The following TBL1XR1 variants were observed in gnomAD, a reference collection of about 807,000 sequenced individuals.
TBL1XR1 encodes F-box-like/WD repeat-containing protein TBL1XR1.
Under a neutral mutation model 66.9 loss-of-function variants are expected in TBL1XR1, and 5 were observed. The observed-to-expected ratio is 0.07, with a 90% CI of 0.04 to 0.16. The LOEUF is 0.16. Among genes scored for constraint, TBL1XR1 ranks in the 10% least tolerant of loss-of-function variants. The pLI is 1.00. For synonymous variants in TBL1XR1, 210 were observed against 206.0 expected (o/e 1.02, Z -0.17); for missense variants, 238 against 623.2 (o/e 0.38, Z 6.58).
In TBL1XR1 at chr3:177,113,717, T is replaced by C. The variant is rs530847726; in HGVS notation, c.-121-15176A>G. The stretch of plus-strand genomic sequence containing the variant: ...ATAAATAAATGGCAAAAGACCTGAA[T>C]AGACATTTCTCAAAAGACATGCAAA... On this transcript the variant is annotated intron_variant, in intron 1 of 15. Transcript: ENST00000457928. Among the ~76,000 whole-genome samples the C allele has an allele frequency of 3.9e-5, 6 of 152,206 alleles. No individual in the cohort carries two copies. In the East Asian group the frequency reaches 1.2e-3, roughly 29 times the overall value.
At chr3:177,028,772 C>T (rs1042772238) in intron 14 of TBL1XR1, among the ~76,000 whole-genome samples, 3 of 152,044 alleles carry the variant, frequency 2.0e-5, no homozygotes, top group African/African-American at 7.2e-5. Context: ...AACAGAAAAA[C>T]AGTTTTGAAG....
At chr3:177,040,151 C>A (rs1320553661) in intron 10 of TBL1XR1, among the ~76,000 whole-genome samples, 1 of 151,944 alleles carries the variant, frequency 6.6e-6, no homozygotes, top group Non-Finnish European at 1.5e-5. Context: ...GACCTCATTT[C>A]TAAAAAATAA....
chr3:177,114,877 G>A (rs1726112775), intron 1 of TBL1XR1, among the ~76,000 whole-genome samples: 1 of 151,946 alleles, frequency 6.6e-6, no homozygotes, highest in South Asian at 2.1e-4. Flanking sequence ...TACTTGGGAG[G>A]CTGAGGCAGG....
At chr3:177,039,281 C>A (rs116050730) in intron 10 of TBL1XR1, among the ~76,000 whole-genome samples, 1,559 of 152,228 alleles carry the variant, frequency 0.01, 33 homozygotes, top group African/African-American at 0.035. Flanking sequence ...CTTGTACTAT[C>A]TTTATCCTTA....
At chr3:177,036,626 C>A (rs1576989639) in intron 12 of TBL1XR1, among the ~76,000 whole-genome samples, 1 of 152,066 alleles carries the variant, frequency 6.6e-6, no homozygotes, top group African/African-American at 2.4e-5. Flanking sequence ...AGCATTAATA[C>A]GTGTGCACAT....
intron 3 of TBL1XR1, among the ~76,000 whole-genome samples, chr3:177,057,151 C>A (rs148466026): frequency 1.1e-4 from 17 of 152,310 alleles, no homozygotes; most frequent in African/African-American, 3.6e-4. Flanking sequence ...CAAGTGGTGG[C>A]AAATTACATC....
chr3:177,175,343 T>C (rs1469168052), intron 1 of TBL1XR1, among the ~76,000 whole-genome samples: 1 of 152,186 alleles, frequency 6.6e-6, no homozygotes, highest in Admixed American at 6.5e-5. Context: ...ATGTGTTTGG[T>C]GATATTATTT....
intron 2 of TBL1XR1, among the ~76,000 whole-genome samples, chr3:177,074,704 G>A (rs976463597): frequency 1.3e-5 from 2 of 152,042 alleles, no homozygotes; most frequent in East Asian, 1.9e-4. Flanking sequence ...AGTATATTTC[G>A]TTCCTTAAAG....
At chr3:177,146,248 C>T (rs770698154) in intron 1 of TBL1XR1, among the ~76,000 whole-genome samples, 1 of 152,014 alleles carries the variant, frequency 6.6e-6, no homozygotes, top group African/African-American at 2.4e-5. Flanking sequence ...CTTCACTATA[C>T]TGCCTCAGGT....
Position 177,022,217 on chromosome 3 carries a change from T to A in TBL1XR1, c.*3281A>T, listed in dbSNP as rs1712472031. ...TGTCAAAAAGCAAAAAACCTTCATGTATTTCAATCTAGTGATTACTTTTTG... is the reference window on the plus strand; with the variant it reads ...TGTCAAAAAGCAAAAAACCTTCATGAATTTCAATCTAGTGATTACTTTTTG... On this transcript the variant is annotated 3_prime_UTR_variant, in exon 16 of 16. Coordinates refer to ENST00000457928, the MANE Select transcript of TBL1XR1 (RefSeq NM_024665.7). The A allele has an allele frequency of 6.6e-6, 1 of 152,596 alleles. No homozygotes were observed. The highest frequency in any genetic ancestry group is 2.4e-5 in the African/African-American group (1 of 41,462). 9.5% of individuals were successfully genotyped at this position (152,596 alleles called of 1,614,324 possible).
chr3:177,107,019 AC>A (rs1724972245), intron 1 of TBL1XR1, among the ~76,000 whole-genome samples: 1 of 152,238 alleles, frequency 6.6e-6, no homozygotes, highest in Non-Finnish European at 1.5e-5. Flanking sequence ...GATAATGAAC[AC>A]CTTCTAAATG....
intron 2 of TBL1XR1, among the ~76,000 whole-genome samples, chr3:177,094,749 A>G (rs1344321234): frequency 2.0e-5 from 3 of 152,210 alleles, no homozygotes; most frequent in East Asian, 1.9e-4. Context: ...GTTCTCACTC[A>G]TAAGTGAGAG....
At chr3:177,123,003 C>T (rs1389337972) in intron 1 of TBL1XR1, among the ~76,000 whole-genome samples, 1 of 152,048 alleles carries the variant, frequency 6.6e-6, no homozygotes, top group African/African-American at 2.4e-5. Context: ...GCAATATTCT[C>T]CCCACATTTT....
At chr3:177,135,833 G>A (rs1432103756) in intron 1 of TBL1XR1, among the ~76,000 whole-genome samples, 2 of 151,502 alleles carry the variant, frequency 1.3e-5, no homozygotes, top group Admixed American at 1.3e-4. Flanking sequence ...TCTGGTGGAA[G>A]GCTGTTTTTT....
chr3:177,090,656 C>G (rs1326498021), intron 2 of TBL1XR1, among the ~76,000 whole-genome samples: 1 of 151,726 alleles, frequency 6.6e-6, no homozygotes, highest in Non-Finnish European at 1.5e-5. Context: ...CTTAAAAATG[C>G]AAAAATTAGC....
At chr3:177,094,990 AT>A (rs1036651458) in intron 2 of TBL1XR1, among the ~76,000 whole-genome samples, 26 of 151,990 alleles carry the variant, frequency 1.7e-4, no homozygotes, top group Admixed American at 2.6e-4. Context: ...GAATAAAAAA[AT>A]AAAGAAAATG....
Position 177,047,556 on chromosome 3 carries a change from G to A in TBL1XR1, c.703-7C>T. The stretch of plus-strand genomic sequence containing the variant: ...CTAGAAGTGTACCTTCACTCTGCCA[G>A]AGAAAAACATTTCTTTAATTATATA... On this transcript the variant is annotated splice_region_variant and splice_polypyrimidine_tract_variant and intron_variant, in intron 7 of 15. Coordinates refer to ENST00000457928, the MANE Select transcript of TBL1XR1 (RefSeq NM_024665.7). 1 of 1,611,540 alleles carries A rather than the reference G, an allele frequency of 6.2e-7. No homozygotes were observed. The highest frequency in any genetic ancestry group is 8.5e-7 in the Non-Finnish European group (1 of 1,178,548).
intron 2 of TBL1XR1, among the ~76,000 whole-genome samples, chr3:177,098,163 G>A (rs908799480): frequency 6.6e-6 from 1 of 151,960 alleles, no homozygotes; most frequent in Non-Finnish European, 1.5e-5. Flanking sequence ...AGTGAGCGGA[G>A]ATCACGCCAT....
chr3:177,122,288 T>A (rs1415034602), intron 1 of TBL1XR1, among the ~76,000 whole-genome samples: 5 of 142,870 alleles, frequency 3.5e-5, no homozygotes, highest in Non-Finnish European at 1.5e-5. Flanking sequence ...ATAAGACAGA[T>A]AAAAAAAAAA....
Sources: allele counts gnomAD v4.1 joint callset (sites outside exome capture counted in the v4.1 genomes callset), GRCh38; gene constraint gnomAD v4.1.1; transcripts MANE v1.5; gene names NCBI Gene and HGNC (gene_info 2026-07-23, HGNC 2026-07-21).